The following PTPN12 variants were observed in gnomAD, a reference collection of about 807,000 sequenced individuals.
PTPN12 encodes the protein tyrosine-protein phosphatase non-receptor type 12.
A neutral mutation model predicts 97.6 loss-of-function variants in PTPN12; 29 were observed. The observed-to-expected ratio is 0.30, with a 90% CI of 0.22 to 0.41. The LOEUF (loss-of-function observed/expected upper bound fraction) is 0.41, where lower values mean the gene tolerates loss of function less well. PTPN12 is among the 10% of genes least tolerant of loss of function. The pLI is 1.00. For synonymous variants in PTPN12, 327 were observed against 300.4 expected (o/e 1.09, Z -0.91); for missense variants, 819 against 926.0 (o/e 0.88, Z 1.50).
chr7:77,585,620 G>A (rs778695989), intron 5 of PTPN12, 39 bp downstream of exon 5: 41 of 1,504,050 alleles, frequency 2.7e-5, no homozygotes, highest in Non-Finnish European at 3.3e-5. Flanking sequence ...TCATTTTTAC[G>A]GATAAATATT....
chr7:77,587,937 C>G (rs1787744928), intron 5 of PTPN12, among the ~76,000 whole-genome samples: 1 of 152,192 alleles, frequency 6.6e-6, no homozygotes, highest in Non-Finnish European at 1.5e-5. Flanking sequence ...TCTGCAGCTT[C>G]CTCACACTTT....
chr7:77,634,914 C>A (rs1789535778), intron 14 of PTPN12, among the ~76,000 whole-genome samples: 1 of 151,964 alleles, frequency 6.6e-6, no homozygotes, highest in African/African-American at 2.4e-5. Flanking sequence ...TCCACTCTGT[C>A]ACTCAGGCTG....
At chr7:77,613,727 G>A (rs1298364859) in intron 11 of PTPN12, among the ~76,000 whole-genome samples, 3 of 151,792 alleles carry the variant, frequency 2.0e-5, no homozygotes, top group Admixed American at 6.6e-5. Context: ...CCAGACTCAC[G>A]GGTACATCAC....
intron 8 of PTPN12, chr7:77,604,821 G>A (rs1788308232): frequency 2.8e-5 from 11 of 386,084 alleles, no homozygotes; most frequent in South Asian, 2.2e-4. Flanking sequence ...TTATCCACCT[G>A]GATTTTTTAT....
At chr7:77,632,734 A>G (rs1789445989) in intron 14 of PTPN12, among the ~76,000 whole-genome samples, 1 of 152,158 alleles carries the variant, frequency 6.6e-6, no homozygotes, top group South Asian at 2.1e-4. Flanking sequence ...AGGCAGGTGG[A>G]TCACCTGAGG....
rs920699848 is a variant in PTPN12 at position 77,639,785 on chromosome 7, A to C, written c.*505A>C. The C allele has an allele frequency of 2.6e-5, 4 of 152,798 alleles. No individual in the cohort carries two copies. The highest frequency in any genetic ancestry group is 9.6e-5 in the African/African-American group (4 of 41,468). 9.5% of individuals were successfully genotyped at this position (152,798 alleles called of 1,614,324 possible). A position where few individuals can be genotyped will look rare whatever the true frequency, so the allele number is the denominator to read the frequency against. ...AATTTTAAACTTGCTGGATTCATGC[A>C]GCCAGCTTTGCAGGTTATCAGAGAT... On this transcript the variant is annotated 3_prime_UTR_variant, in exon 18 of 18. Coordinates refer to ENST00000248594, the MANE Select transcript of PTPN12 (RefSeq NM_002835.4).
At chr7:77,575,373 G>A (rs551317021) in intron 2 of PTPN12, among the ~76,000 whole-genome samples, 3 of 151,906 alleles carry the variant, frequency 2.0e-5, no homozygotes, top group South Asian at 4.2e-4. Flanking sequence ...TCTCTCTCTC[G>A]TGTGTACACT....
chr7:77,640,046 A>G lies in PTPN12; in HGVS notation c.*766A>G, dbSNP rs566363168. On this transcript the variant is annotated 3_prime_UTR_variant, in exon 18 of 18. Coordinates refer to ENST00000248594, the MANE Select transcript of PTPN12 (RefSeq NM_002835.4). ...TTTCAGGATATTTGACCTGTCATTA[A>G]AAAAAACAAACAGTTTTACAGTGCC... 6.6e-6 allele frequency: 1 copy of G among 152,588 alleles called. No homozygotes were observed. Among genetic ancestry groups the G allele is most frequent in the Non-Finnish European group, 1.5e-5 (1 of 68,014 alleles). The allele number at this position is 152,588 out of a possible 1,614,324, so 9.5% of individuals were successfully genotyped here. A position where few individuals can be genotyped will look rare whatever the true frequency, so the allele number is the denominator to read the frequency against.
rs759668928 is a variant in PTPN12, at chr7:77,618,518, G to A, written c.978G>A (p.Glu326=). The A allele has an allele frequency of 1.3e-5, 21 of 1,609,550 alleles. No homozygotes were observed. Among genetic ancestry groups the A allele is most frequent in the Non-Finnish European group, 1.7e-5 (20 of 1,176,774 alleles). Residue 326 remains glutamate, a synonymous_variant, in exon 12 of 18, where the codon GAG becomes GAA. Transcript: ENST00000248594. ...CTGAAAACATGGTCAGCTCCATAGA[G>A]CCTGAAAAACAAGATTCTCCTCCTC... ...INTENMVSSI[E]PEKQDSPPPK...
chr7:77,562,688 G>T (rs544038033), intron 1 of PTPN12, among the ~76,000 whole-genome samples: 2 of 152,220 alleles, frequency 1.3e-5, no homozygotes, highest in African/African-American at 4.8e-5. Flanking sequence ...GAGGAAATGG[G>T]TAAAAGAAAG....
intron 2 of PTPN12, among the ~76,000 whole-genome samples, chr7:77,572,899 A>G (rs1787194092): frequency 6.6e-6 from 1 of 152,050 alleles, no homozygotes; most frequent in African/African-American, 2.4e-5. Flanking sequence ...CCTGACCAAC[A>G]TGGTGAAACC....
In PTPN12 at chr7:77,639,380, C is replaced by A; in HGVS notation, c.*100C>A. On this transcript the variant is annotated 3_prime_UTR_variant, in exon 18 of 18. Coordinates refer to ENST00000248594, the MANE Select transcript of PTPN12 (RefSeq NM_002835.4). Reference sequence around the variant, plus strand: ...CATCTTTAATATGTGGGACTAACAGCAGTGTAGATTGTTACCTTAATATTT... The same window carrying A: ...CATCTTTAATATGTGGGACTAACAGAAGTGTAGATTGTTACCTTAATATTT... 2.1e-6 allele frequency: 2 copies of A among 947,438 alleles called. No individual in the cohort carries two copies. The highest frequency in any genetic ancestry group is 1.6e-6 in the Non-Finnish European group (1 of 616,688). 58.7% of individuals were successfully genotyped at this position (947,438 alleles called of 1,614,324 possible). A position where few individuals can be genotyped will look rare whatever the true frequency, so the allele number is the denominator to read the frequency against.
At chr7:77,621,485 A>G (rs1208770559) in intron 12 of PTPN12, among the ~76,000 whole-genome samples, 4 of 152,188 alleles carry the variant, frequency 2.6e-5, no homozygotes, top group African/African-American at 7.2e-5. Context: ...CCTGGCCACC[A>G]TAGCGAAACC....
In PTPN12 at chr7:77,588,941, C is replaced by T. The variant is rs541499023; in HGVS notation, c.421-3244C>T. Among the ~76,000 whole-genome samples the T allele has an allele frequency of 2.8e-3, 432 of 152,182 alleles. 1 individual carries two copies. The highest frequency in any genetic ancestry group is 5.1e-3 in the Non-Finnish European group (347 of 68,002). On this transcript the variant is annotated intron_variant, in intron 5 of 17. Transcript: ENST00000248594. Reference sequence around the variant, plus strand: ...AGGCTGGAGTGCAGTGGCGCGATCTCGGCTCACTGCAACCTCCATCTCCCG... The same window carrying T: ...AGGCTGGAGTGCAGTGGCGCGATCTTGGCTCACTGCAACCTCCATCTCCCG...
chr7:77,573,096 AC>A (rs59887555), intron 2 of PTPN12, among the ~76,000 whole-genome samples: 40,488 of 90,030 alleles, frequency 0.45, 14,697 homozygotes, highest in African/African-American at 0.7. Flanking sequence ...AAAAAAAAAA[AC>A]AAAAAAACAA....
Position 77,607,219 on chromosome 7 carries a change from A to T in PTPN12, c.696-16A>T. ...TATCACAAAAATCAATTGTTTTTCA[A>T]ACTTTATATCCTTAGTGCAGGCTGT... On this transcript the variant is annotated splice_polypyrimidine_tract_variant and intron_variant, in intron 8 of 17. Transcript: ENST00000248594. The T allele has an allele frequency of 6.4e-7, 1 of 1,558,634 alleles. No individual in the cohort carries two copies. The highest frequency in any genetic ancestry group is 8.7e-7 in the Non-Finnish European group (1 of 1,152,078).
chr7:77,617,752 C>T (rs1026110881), intron 11 of PTPN12, among the ~76,000 whole-genome samples: 1 of 152,070 alleles, frequency 6.6e-6, no homozygotes, highest in Admixed American at 6.6e-5. Context: ...TAATTCAAGG[C>T]CGTATTTTCA....
At chr7:77,632,252 A>G (rs1562765009) in intron 13 of PTPN12, 96 bp from the exon 14 acceptor site, 4 of 933,578 alleles carry the variant, frequency 4.3e-6, no homozygotes, top group East Asian at 2.4e-5. Flanking sequence ...ACTGATCTAG[A>G]TATTTGTGAC....
intron 16 of PTPN12, among the ~76,000 whole-genome samples, chr7:77,637,857 CAAAAAA>C (rs754983873): frequency 0.027 from 1,487 of 55,638 alleles, 19 homozygotes; most frequent in Middle Eastern, 0.12. Context: ...AACTCCGTCT[CAAAAAA>C]AAAAAAAAAA....
Sources: allele counts gnomAD v4.1 joint callset (sites outside exome capture counted in the v4.1 genomes callset), GRCh38; gene constraint gnomAD v4.1.1; transcripts MANE v1.5; gene names NCBI Gene and HGNC (gene_info 2026-07-23, HGNC 2026-07-21).